The following COX10 variants were observed in gnomAD, a reference collection of about 807,000 sequenced individuals.
COX10 encodes protoheme IX farnesyltransferase, mitochondrial.
Under a neutral mutation model 37.3 loss-of-function variants are expected in COX10, and 27 were observed. That is an observed-to-expected ratio of 0.72 (90% confidence interval 0.53 to 1.00). The LOEUF (loss-of-function observed/expected upper bound fraction) is 1.00. Among genes scored for constraint, COX10 ranks in the 50% least tolerant of loss-of-function variants. The pLI is 0.00. For missense variants in COX10, 475 were observed against 563.2 expected, an observed-to-expected ratio of 0.84 and a Z score of 1.59; for synonymous variants, 222 against 229.1, an observed-to-expected ratio of 0.97 and a Z score of 0.28.
intron 4 of COX10, among the ~76,000 whole-genome samples, chr17:14,139,473 A>G (rs1904477576): frequency 6.6e-6 from 1 of 152,218 alleles, no homozygotes; most frequent in Non-Finnish European, 1.5e-5. Flanking sequence ...CTACTTTTCA[A>G]GTAGAAAGCT....
At position 14,102,179 on chromosome 17, in the gene COX10, C is replaced by T. The variant is rs371712806; in HGVS notation, c.561C>T (p.Pro187=). The change falls in exon 4 of 7, where the codon CCC becomes CCT. Residue 187 remains proline, a synonymous_variant. Coordinates refer to ENST00000261643, the MANE Select transcript of COX10 (RefSeq NM_001303.4). ...FALAPGPFDW[P]CFLLTSVGTG... The stretch of plus-strand genomic sequence containing the variant: ...TGGCTCCGGGCCCTTTTGACTGGCC[C>T]TGTTTCCTGCTTACTTCTGTTGGGA... 14 of 1,613,662 alleles carry T rather than the reference C, an allele frequency of 8.7e-6. No individual in the cohort carries two copies. The highest frequency in any genetic ancestry group is 1.7e-5 in the Admixed American group (1 of 59,970).
intron 4 of COX10, among the ~76,000 whole-genome samples, chr17:14,103,028 A>G (rs763697365): frequency 2.8e-4 from 42 of 152,186 alleles, no homozygotes; most frequent in Admixed American, 1.2e-3. Flanking sequence ...TTAATGTGAT[A>G]ATGCCTATAG....
At position 14,101,429 on chromosome 17, in the gene COX10, G is replaced by C. The variant is rs193007365; in HGVS notation, c.500-689G>C. 3.9e-5 allele frequency among the ~76,000 whole-genome samples: 6 copies of C among 152,266 alleles called. No individual in the cohort carries two copies. The East Asian group carries it at 1.2e-3, about 29-fold the overall frequency. Reference sequence around the variant, plus strand: ...AGCGGATTTCTACAGCTGCATATCAGCACCACTCTTGGACACTTTCTGGCC... The same window carrying C: ...AGCGGATTTCTACAGCTGCATATCACCACCACTCTTGGACACTTTCTGGCC... On this transcript the variant is annotated intron_variant, in intron 3 of 6. Coordinates refer to ENST00000261643, the MANE Select transcript of COX10 (RefSeq NM_001303.4).
intron 3 of COX10, among the ~76,000 whole-genome samples, chr17:14,078,676 G>A (rs147698308): frequency 1.3e-5 from 2 of 152,014 alleles, no homozygotes; most frequent in Admixed American, 6.6e-5. Context: ...CCTCCGCCCC[G>A]CTTACCCTGC....
chr17:14,160,267 G>C (rs1258359374), intron 5 of COX10, among the ~76,000 whole-genome samples: 1 of 152,086 alleles, frequency 6.6e-6, no homozygotes, highest in Non-Finnish European at 1.5e-5. Context: ...TAACGCAAAT[G>C]ATCTTCAGAC....
chr17:14,077,119 A>T, intron 3 of COX10, 63 bp downstream of exon 3: 1 of 1,503,386 alleles, frequency 6.7e-7, no homozygotes, highest in Admixed American at 1.8e-5. Flanking sequence ...ACAAAAAGCT[A>T]ATTTTATTTA....
rs530133485 is a variant in COX10, at chr17:14,146,689, A to G, written c.625-13188A>G. 4.6e-5 allele frequency among the ~76,000 whole-genome samples: 7 copies of G among 152,320 alleles called. No individual in the cohort carries two copies. In the South Asian group the frequency reaches 8.3e-4, roughly 18 times the overall value. ...CTTCACAGGAAAGGAAATCATCAAC[A>G]AAGTGAAGAGACAACCCACAGAATG... On this transcript the variant is annotated intron_variant, in intron 4 of 6. Coordinates refer to ENST00000261643, the MANE Select transcript of COX10 (RefSeq NM_001303.4).
chr17:14,088,392 G>A (rs1445651994), intron 3 of COX10, among the ~76,000 whole-genome samples: 1 of 151,712 alleles, frequency 6.6e-6, no homozygotes, highest in African/African-American at 2.4e-5. Flanking sequence ...GTTGGTTTCT[G>A]TGGGGCTGGG....
chr17:14,199,202 T>C (rs1011195677), intron 6 of COX10, among the ~76,000 whole-genome samples: 1 of 152,164 alleles, frequency 6.6e-6, no homozygotes, highest in Non-Finnish European at 1.5e-5. Context: ...TTGACCATAA[T>C]TGATCACAAG....
chr17:14,168,264 T>C (rs1354876615), intron 5 of COX10, among the ~76,000 whole-genome samples: 1 of 152,254 alleles, frequency 6.6e-6, no homozygotes, highest in Non-Finnish European at 1.5e-5. Flanking sequence ...GATGCAAGGT[T>C]GGGCTCCCAA....
chr17:14,103,128 T>A (rs1249521325), intron 4 of COX10, among the ~76,000 whole-genome samples: 1 of 152,158 alleles, frequency 6.6e-6, no homozygotes, highest in Non-Finnish European at 1.5e-5. Flanking sequence ...TTATTTTGGA[T>A]GTCAAAACAA....
intron 5 of COX10, among the ~76,000 whole-genome samples, chr17:14,164,169 G>A (rs1905228398): frequency 6.6e-6 from 1 of 152,228 alleles, no homozygotes; most frequent in African/African-American, 2.4e-5. Flanking sequence ...GTATGTGGTG[G>A]TGGTGTCCCA....
At chr17:14,184,922 TGGTCCAG>T in intron 5 of COX10, among the ~76,000 whole-genome samples, 1 of 149,782 alleles carries the variant, frequency 6.7e-6, no homozygotes, top group Admixed American at 6.7e-5. Flanking sequence ...GTGATGCTGA[TGGTCCAG>T]GAGCCACACT....
chr17:14,137,673 G>A (rs569064986), intron 4 of COX10, among the ~76,000 whole-genome samples: 61 of 151,578 alleles, frequency 4.0e-4, no homozygotes, highest in African/African-American at 8.9e-4. Flanking sequence ...TAGGATTTCC[G>A]ACTCATATAT....
At chr17:14,172,295 C>G (rs1426712324) in intron 5 of COX10, among the ~76,000 whole-genome samples, 1 of 152,074 alleles carries the variant, frequency 6.6e-6, no homozygotes, top group Non-Finnish European at 1.5e-5. Flanking sequence ...ATTACTAGAT[C>G]AAATGGTAGT....
chr17:14,171,390 T>A (rs1187778445), intron 5 of COX10, among the ~76,000 whole-genome samples: 1 of 152,106 alleles, frequency 6.6e-6, no homozygotes, highest in Non-Finnish European at 1.5e-5. Context: ...CAGCCAGGCA[T>A]GGTGCTCGAC....
intron 4 of COX10, among the ~76,000 whole-genome samples, chr17:14,134,589 A>G (rs1419905148): frequency 6.6e-6 from 1 of 151,866 alleles, no homozygotes; most frequent in Non-Finnish European, 1.5e-5. Context: ...GACAGCAAGC[A>G]CATAAAAGGA....
At position 14,127,756 on chromosome 17, in the gene COX10, C is replaced by T. The variant is rs1448736464; in HGVS notation, c.624+25514C>T. On this transcript the variant is annotated intron_variant, in intron 4 of 6. Coordinates refer to ENST00000261643, the MANE Select transcript of COX10 (RefSeq NM_001303.4). ...AAAAATTAAAAGTAATATTCTTTGC[C>T]TACTTAGATGTCCTTTTATTAATTA... Among the ~76,000 whole-genome samples, 4 of 152,008 alleles carry T rather than the reference C, an allele frequency of 2.6e-5. No individual in the cohort carries two copies. The East Asian group carries it at 5.8e-4, about 22-fold the overall frequency.
At chr17:14,155,143 T>C (rs1905005368) in intron 4 of COX10, among the ~76,000 whole-genome samples, 1 of 151,962 alleles carries the variant, frequency 6.6e-6, no homozygotes, top group Non-Finnish European at 1.5e-5. Flanking sequence ...CAGGATATGG[T>C]GATGAATTAG....
Sources: allele counts gnomAD v4.1 joint callset (sites outside exome capture counted in the v4.1 genomes callset), GRCh38; gene constraint gnomAD v4.1.1; transcripts MANE v1.5; gene names NCBI Gene and HGNC (gene_info 2026-07-23, HGNC 2026-07-21).